HMMR: variants seen among roughly 807,000 people sequenced by gnomAD.
HMMR encodes the protein intracellular hyaluronic acid-binding protein.
Under a neutral mutation model 101.0 loss-of-function variants are expected in HMMR, and 108 were observed. That is an observed-to-expected ratio of 1.07 (90% CI 0.92 to 1.25). HMMR has a LOEUF of 1.25. HMMR is among the 50% of genes most tolerant of loss of function. HMMR has a pLI of 0.00. For synonymous variants in HMMR, 296 were observed against 276.4 expected, an observed-to-expected ratio of 1.07 and a Z score of -0.70; for missense variants, 813 against 788.7, an observed-to-expected ratio of 1.03 and a Z score of -0.37.
intron 12 of HMMR, among the ~76,000 whole-genome samples, chr5:163,479,144 C>T (rs1458595951): frequency 6.6e-6 from 1 of 152,154 alleles, no homozygotes; most frequent in Non-Finnish European, 1.5e-5. Flanking sequence ...CTGCCCTACT[C>T]TCTTGATGTT....
At chr5:163,479,767 C>T (rs1759195531) in intron 12 of HMMR, among the ~76,000 whole-genome samples, 1 of 152,124 alleles carries the variant, frequency 6.6e-6, no homozygotes, top group Non-Finnish European at 1.5e-5. Flanking sequence ...CCTTCTTAAC[C>T]CCAAATTCTA....
At chr5:163,470,808 AT>A (rs1758861456) in intron 5 of HMMR, among the ~76,000 whole-genome samples, 1 of 151,978 alleles carries the variant, frequency 6.6e-6, no homozygotes, top group African/African-American at 2.4e-5. Flanking sequence ...TGGGCAACAT[AT>A]CAAGACCCCA....
At chr5:163,468,549 A>G (rs565281019) in intron 4 of HMMR, among the ~76,000 whole-genome samples, 55 of 152,336 alleles carry the variant, frequency 3.6e-4, no homozygotes, top group Middle Eastern at 3.4e-3. Context: ...ATTTGATTAC[A>G]GTCGAATGTT....
chr5:163,470,887 A>G (rs1157698593), intron 5 of HMMR, among the ~76,000 whole-genome samples: 1 of 152,106 alleles, frequency 6.6e-6, no homozygotes, highest in Non-Finnish European at 1.5e-5. Context: ...CCAGCTACTC[A>G]GGAAGATGAG....
intron 16 of HMMR, among the ~76,000 whole-genome samples, chr5:163,486,945 G>C (rs299313): frequency 6.6e-6 from 1 of 152,040 alleles, no homozygotes; most frequent in Non-Finnish European, 1.5e-5. Flanking sequence ...TAGGTGTGGC[G>C]GCGGGCGCCT....
chr5:163,484,123 G>A lies in HMMR; in HGVS notation c.1840G>A (p.Ala614Thr), dbSNP rs769882739. ...ACAGGCATTGTTGAATGAACATGGT[G>A]CAGCTCAGGAACAGCTAAATAAAAT... ...EKQALLNEHG[A>T]AQEQLNKIRD... Residue 614 changes from alanine (A) to threonine (T), a missense_variant, in exon 16 of 18, where the codon GCA becomes ACA. Coordinates refer to ENST00000393915, the MANE Select transcript of HMMR (RefSeq NM_001142556.2). 42 of 1,603,486 alleles carry A rather than the reference G, an allele frequency of 2.6e-5. No homozygotes were observed. The highest frequency in any genetic ancestry group is 4.5e-5 in the East Asian group (2 of 44,478).
chr5:163,462,225 T>G (rs184379801), intron 1 of HMMR, among the ~76,000 whole-genome samples: 97 of 152,232 alleles, frequency 6.4e-4, no homozygotes, highest in Non-Finnish European at 1.1e-3. Flanking sequence ...ACTGGCTTTA[T>G]CAAAGATATA....
chr5:163,482,586 G>C (rs1311960658), intron 12 of HMMR, 56 bp from the exon 13 acceptor site: 1 of 1,273,060 alleles, frequency 7.9e-7, no homozygotes, highest in African/African-American at 1.5e-5. Flanking sequence ...AATCAGTTAT[G>C]ATTGTCATAC....
intron 12 of HMMR, among the ~76,000 whole-genome samples, chr5:163,481,023 GT>G (rs1477620869): frequency 2.6e-5 from 4 of 151,988 alleles, no homozygotes; most frequent in African/African-American, 9.7e-5. Flanking sequence ...TATTCAACCA[GT>G]TTTCTTCTAA....
chr5:163,473,638 A>G, intron 9 of HMMR, 81 bp downstream of exon 9: 1 of 817,218 alleles, frequency 1.2e-6, no homozygotes, highest in Non-Finnish European at 1.9e-6. Flanking sequence ...TGCTAAAACA[A>G]CCTTTTAAAT....
At chr5:163,465,417 T>A (rs1758665775) in intron 3 of HMMR, among the ~76,000 whole-genome samples, 1 of 152,168 alleles carries the variant, frequency 6.6e-6, no homozygotes, top group Admixed American at 6.5e-5. Flanking sequence ...TACTGCAGCC[T>A]CTGTCCCCAC....
intron 10 of HMMR, 75 bp downstream of exon 10, chr5:163,474,280 ATT>A: frequency 9.2e-7 from 1 of 1,083,718 alleles, no homozygotes; most frequent in Non-Finnish European, 1.4e-6. Context: ...ACACCTTTAA[ATT>A]GTGTATATCC....
chr5:163,485,710 A>T (rs1257111200), intron 16 of HMMR, among the ~76,000 whole-genome samples: 1 of 152,076 alleles, frequency 6.6e-6, no homozygotes, highest in Admixed American at 6.6e-5. Flanking sequence ...CTTGGTATCT[A>T]TCTCCTCTGC....
rs1759695202 is a variant in HMMR at position 163,491,555 on chromosome 5, C to T, written c.*391C>T. The T allele has an allele frequency of 6.4e-6, 1 of 156,930 alleles. No individual in the cohort carries two copies. The highest frequency in any genetic ancestry group is 2.4e-5 in the African/African-American group (1 of 41,642). The allele number at this position is 156,930 out of a possible 1,614,324, so 9.7% of individuals were successfully genotyped here. On this transcript the variant is annotated 3_prime_UTR_variant, in exon 18 of 18. Transcript: ENST00000393915. The stretch of plus-strand genomic sequence containing the variant: ...AGCTTCTTTAGCTAGGCTAAAACAC[C>T]TTGGCTTGTTATTGCCTCTACTTTG...
chr5:163,473,871 T>C (rs1019899385), intron 9 of HMMR, among the ~76,000 whole-genome samples, 186 bp from the exon 10 acceptor site: 1 of 152,048 alleles, frequency 6.6e-6, no homozygotes, highest in Non-Finnish European at 1.5e-5. Flanking sequence ...GAACAAGATT[T>C]GTGGGTTTTA....
At chr5:163,470,602 C>T (rs1294389452) in intron 5 of HMMR, among the ~76,000 whole-genome samples, 2 of 152,100 alleles carry the variant, frequency 1.3e-5, no homozygotes, top group African/African-American at 2.4e-5. Flanking sequence ...TTGCAGTGAG[C>T]AACACGGCAC....
Position 163,467,767 on chromosome 5 carries a change from T to G in HMMR, c.273+19T>G, listed in dbSNP as rs1758748156. The G allele has an allele frequency of 3.6e-6, 5 of 1,385,624 alleles. No homozygotes were observed. In the South Asian group the frequency reaches 5.9e-5, roughly 16 times the overall value. The allele number at this position is 1,385,624 out of a possible 1,614,324, so 85.8% of individuals were successfully genotyped here. ...GAAAGAGGTAAGCAGTGCTTTAAAC[T>G]TAGTGAAAAGTACACATGATAGAAA... On this transcript the variant is annotated intron_variant, in intron 4 of 17. Coordinates refer to ENST00000393915, the MANE Select transcript of HMMR (RefSeq NM_001142556.2).
intron 12 of HMMR, among the ~76,000 whole-genome samples, chr5:163,482,105 T>C (rs1561644626): frequency 6.6e-6 from 1 of 152,104 alleles, no homozygotes; most frequent in Non-Finnish European, 1.5e-5. Flanking sequence ...TTAGTAGTGA[T>C]GGGGTTTCAC....
chr5:163,484,309 C>A (rs1759391330), intron 16 of HMMR, 64 bp downstream of exon 16: 2 of 773,152 alleles, frequency 2.6e-6, no homozygotes, highest in African/African-American at 1.8e-5. Context: ...AACTATAATA[C>A]TTAAATAAAA....
Sources: gnomAD v4.1 joint callset for allele counts (sites outside exome capture counted in the v4.1 genomes callset) on GRCh38, gnomAD v4.1.1 for gene constraint, MANE v1.5 for transcripts, NCBI Gene and HGNC (gene_info 2026-07-23, HGNC 2026-07-21) for gene names.